ABCG1: variants seen among roughly 807,000 people sequenced by gnomAD.
ABCG1 encodes ATP-binding cassette sub-family G member 1.
In ABCG1, 29 loss-of-function variants were observed where a neutral mutation model predicts 69.2. The ratio of observed to expected loss-of-function variants is 0.42; its 90% CI spans 0.31 to 0.57. The LOEUF is 0.57. ABCG1 is among the 20% of genes least tolerant of loss of function. ABCG1 has a pLI of 0.15. For synonymous variants in ABCG1, 370 were observed against 374.8 expected, an observed-to-expected ratio of 0.99 and a Z score of 0.15; for missense variants, 718 against 898.1, an observed-to-expected ratio of 0.80 and a Z score of 2.56.
intron 2 of ABCG1, among the ~76,000 whole-genome samples, chr21:42,242,396 G>T (rs993020042): frequency 6.6e-6 from 1 of 152,228 alleles, no homozygotes; most frequent in Non-Finnish European, 1.5e-5. Context: ...AGCTACTGAG[G>T]AGGCTGAGCG....
At chr21:42,212,710 T>A (rs867266780), upstream of ABCG1, among the ~76,000 whole-genome samples, 3,090 of 150,960 alleles carry the variant, frequency 0.02, 99 homozygotes, top group African/African-American at 0.071. Context: ...AACAGATTTT[T>A]TTTTTTTTTT....
Position 42,201,724 on chromosome 21 carries a change from G to C in ABCG1, c.48+1G>C, listed in dbSNP as rs573470149. 3 of 1,613,894 alleles carry C rather than the reference G, an allele frequency of 1.9e-6. No individual in the cohort carries two copies. Among genetic ancestry groups the C allele is most frequent in the African/African-American group, 1.3e-5 (1 of 75,036 alleles). On this transcript the variant is annotated splice_donor_variant, in intron 2 of 15. Coordinates refer to the ABCG1 transcript ENST00000398457. LOFTEE classifies it high-confidence loss of function. ...AAAACAGAGAAAGCCCTGCCCTCAG[G>C]TGTGGTCAGAAGAGACAGGGAAGGA... is the stretch of plus-strand genomic sequence containing the variant.
upstream of ABCG1, chr21:42,219,126 G>GCCGGAT (rs2067677804): frequency 2.4e-6 from 2 of 820,346 alleles, no homozygotes; most frequent in East Asian, 4.9e-5. This position sits in a 1 kb window ranked among gnomAD's most constrained non-coding sequence, Gnocchi z 5.3. Context: ...CAGAGCCGGA[G>GCCGGAT]CCGGATCCCA....
At chr21:42,241,148 T>C (rs1308240257) in intron 2 of ABCG1, among the ~76,000 whole-genome samples, 1 of 152,250 alleles carries the variant, frequency 6.6e-6, no homozygotes, top group Non-Finnish European at 1.5e-5. Context: ...ACTGGCCACG[T>C]TCAGACGTGA....
At position 42,225,721 on chromosome 21, in the gene ABCG1, C is replaced by A; in HGVS notation, c.93C>A (p.Val31=). The change falls in exon 2 of 15, where the codon GTC becomes GTA. Residue 31 remains valine (V), a synonymous_variant. Transcript: ENST00000398449. ...TGACGGAGCCCAAGTCGGTGTGTGTCTCGGTGGATGAGGTGGTGTCCAGCA... is the reference window on the plus strand; with the variant it reads ...TGACGGAGCCCAAGTCGGTGTGTGTATCGGTGGATGAGGTGGTGTCCAGCA... ...AEMTEPKSVC[V]SVDEVVSSNM... 6.2e-7 allele frequency: 1 copy of A among 1,613,902 alleles called. No homozygotes were observed. The highest frequency in any genetic ancestry group is 1.1e-5 in the South Asian group (1 of 91,054).
chr21:42,289,160 G>A (rs183672540), intron 10 of ABCG1, among the ~76,000 whole-genome samples: 8 of 152,304 alleles, frequency 5.3e-5, no homozygotes, highest in Non-Finnish European at 8.8e-5. Flanking sequence ...TAATGCTGCA[G>A]TAACAAACAC....
intron 5 of ABCG1, among the ~76,000 whole-genome samples, chr21:42,279,499 T>A (rs170441): frequency 0.11 from 17,406 of 152,210 alleles, 1,211 homozygotes; most frequent in African/African-American, 0.18. Flanking sequence ...CACTGCCTGC[T>A]GTGCCCCGAG....
chr21:42,287,986 C>T lies in ABCG1; in HGVS notation c.1071C>T (p.Leu357=), dbSNP rs1464577854. ...GTGACTCAGACCACAAGAGAGACCT[C>T]GGGGGTGATGCCGAGGTGAACCCTT... ...GMCDSDHKRD[L]GGDAEVNPFL... Residue 357 remains leucine, a synonymous_variant, in exon 9 of 15, where the codon CTC becomes CTT. Coordinates refer to ENST00000398449, the MANE Select transcript of ABCG1 (RefSeq NM_016818.3). This position sits in a 1 kb window ranked among gnomAD's most constrained non-coding sequence, Gnocchi z 6.2. 3.1e-6 allele frequency: 5 copies of T among 1,613,428 alleles called. No homozygotes were observed. The highest frequency in any genetic ancestry group is 1.6e-4 in the Middle Eastern group (1 of 6,084).
At chr21:42,224,976 A>G (rs2067792022) in intron 1 of ABCG1, among the ~76,000 whole-genome samples, 1 of 151,258 alleles carries the variant, frequency 6.6e-6, no homozygotes, top group African/African-American at 2.4e-5. Context: ...AAATTCTGGG[A>G]TAACTTCTGC....
intron 2 of ABCG1, among the ~76,000 whole-genome samples, chr21:42,238,966 A>ACTCT (rs2068014024): frequency 1.3e-5 from 2 of 152,042 alleles, no homozygotes; most frequent in Admixed American, 1.3e-4. Flanking sequence ...AAATGCACTT[A>ACTCT]CTCTCCTTTG....
rs781361125 is a variant in ABCG1, at chr21:42,291,480, A to C, written c.1495-18A>C. 2 of 1,600,162 alleles carry C rather than the reference A, an allele frequency of 1.2e-6. No individual in the cohort carries two copies. Among genetic ancestry groups the C allele is most frequent in the Admixed American group, 3.4e-5 (2 of 59,592 alleles). ...TGGGAAGCGGCTGAGCCCGCGGCTG[A>C]CGGGTCCTTGTTTCCAGATCATGTT... On this transcript the variant is annotated intron_variant, in intron 12 of 14. Coordinates refer to ENST00000398449, the MANE Select transcript of ABCG1 (RefSeq NM_016818.3). The surrounding 1 kb of genome is among the most constrained non-coding windows in gnomAD (Gnocchi z 6.4).
intron 2 of ABCG1, among the ~76,000 whole-genome samples, chr21:42,236,912 C>G (rs1438786362): frequency 6.6e-6 from 1 of 152,236 alleles, no homozygotes; most frequent in Non-Finnish European, 1.5e-5. Context: ...TCATATTTAT[C>G]AGCACTCACG....
intron 14 of ABCG1, 77 bp downstream of exon 14, chr21:42,294,737 T>A: frequency 1.5e-6 from 2 of 1,330,260 alleles, no homozygotes; most frequent in South Asian, 1.2e-5. Context: ...CGTGAGGGGC[T>A]CACAAAAGCC....
chr21:42,273,277 G>A lies in ABCG1; in HGVS notation c.405-26G>A, dbSNP rs768490615. On this transcript the variant is annotated intron_variant, in intron 3 of 14. Coordinates refer to ENST00000398449, the MANE Select transcript of ABCG1 (RefSeq NM_016818.3). This position sits in a 1 kb window ranked among gnomAD's most constrained non-coding sequence, Gnocchi z 5.3. ...GAGGAGGAGCAGGAGCCCGGCTGAC[G>A]GCTTCTCCTGTCCTTGGTTCTGCAG... The A allele has an allele frequency of 7.7e-5, 124 of 1,600,582 alleles. No homozygotes were observed. Among genetic ancestry groups the A allele is most frequent in the Non-Finnish European group, 8.4e-5 (99 of 1,172,328 alleles).
chr21:42,235,811 A>G (rs2067971416), intron 2 of ABCG1, among the ~76,000 whole-genome samples: 1 of 152,190 alleles, frequency 6.6e-6, no homozygotes. Context: ...ACAGGCTACG[A>G]TAAGGCATGT....
At chr21:42,216,150 T>C, upstream of ABCG1, 1 of 452,126 alleles carries the variant, frequency 2.2e-6, no homozygotes, top group South Asian at 1.6e-5. Context: ...CCTTTCACCT[T>C]CCGCCATGAT....
At chr21:42,248,071 G>T (rs2068159750) in intron 2 of ABCG1, among the ~76,000 whole-genome samples, 1 of 152,204 alleles carries the variant, frequency 6.6e-6, no homozygotes, top group Non-Finnish European at 1.5e-5. Context: ...AAGCAAAGAT[G>T]GTCATGAGAG....
chr21:42,282,522 G>C, intron 6 of ABCG1, 103 bp downstream of exon 6: 1 of 1,387,770 alleles, frequency 7.2e-7, no homozygotes, highest in Non-Finnish European at 9.6e-7. Flanking sequence ...CCTCAGAGGG[G>C]GTGAGTTGAG....
upstream of ABCG1, among the ~76,000 whole-genome samples, chr21:42,211,725 C>CA (rs372775582): frequency 0.011 from 1,468 of 137,610 alleles, 16 homozygotes; most frequent in African/African-American, 0.029. Flanking sequence ...ACTAAAAATA[C>CA]AAAAAAAAAA....
Sources: allele counts gnomAD v4.1 joint callset (sites outside exome capture counted in the v4.1 genomes callset), GRCh38; gene constraint gnomAD v4.1.1; non-coding constraint Gnocchi (gnomAD v3.1); transcripts MANE v1.5; gene names NCBI Gene and HGNC (gene_info 2026-07-23, HGNC 2026-07-21).